The following EIF5 variants were observed in gnomAD, a reference collection of about 807,000 sequenced individuals.
EIF5 encodes the protein eukaryotic translation initiation factor 5.
A neutral mutation model predicts 48.3 loss-of-function variants in EIF5; 10 were observed. The observed-to-expected ratio is 0.21, with a 90% confidence interval of 0.13 to 0.35. EIF5 has a LOEUF of 0.35. Ranked by LOEUF, EIF5 falls within the 10% of genes least tolerant of loss-of-function variation. The probability of loss-of-function intolerance (pLI) is 1.00; values close to 1 mark genes in which losing one functional copy is unlikely to be tolerated. For synonymous variants in EIF5, 237 were observed against 173.1 expected, an observed-to-expected ratio of 1.37 and a Z score of -2.90; for missense variants, 397 against 533.2, an observed-to-expected ratio of 0.74 and a Z score of 2.51.
Position 103,341,114 on chromosome 14 carries a change from G to A in EIF5, c.*62G>A. 1 of 1,485,556 alleles carries A rather than the reference G, an allele frequency of 6.7e-7. No homozygotes were observed. Among genetic ancestry groups the A allele is most frequent in the Non-Finnish European group, 9.4e-7 (1 of 1,064,856 alleles). The allele number at this position is 1,485,556 out of a possible 1,614,324, so 92.0% of individuals were successfully genotyped here. A position where few individuals can be genotyped will look rare whatever the true frequency, so the allele number is the denominator to read the frequency against. Reference sequence around the variant, plus strand: ...GCAAATTTTCCTCCATTATCAGCCAGAAGTGCAACATGTATGTGCAAAAGC... The same window carrying A: ...GCAAATTTTCCTCCATTATCAGCCAAAAGTGCAACATGTATGTGCAAAAGC... On this transcript the variant is annotated 3_prime_UTR_variant, in exon 12 of 12. Transcript: ENST00000216554.
At chr14:103,339,560 G>C (rs1165198532) in intron 9 of EIF5, 79 bp from the exon 10 acceptor site, 2 of 1,596,390 alleles carry the variant, frequency 1.3e-6, no homozygotes, top group Non-Finnish European at 1.7e-6. Flanking sequence ...TGCACTTGCA[G>C]ACACTCTTAT....
chr14:103,337,697 A>C (rs2089304153), intron 6 of EIF5: 1 of 383,670 alleles, frequency 2.6e-6, no homozygotes, highest in African/African-American at 2.1e-5. Context: ...AAAGGTGAAA[A>C]ATAGGCTGCC....
In EIF5 at chr14:103,341,897, G is replaced by C; in HGVS notation, c.*845G>C. 1 of 152,570 alleles carries C rather than the reference G, an allele frequency of 6.6e-6. No homozygotes were observed. Among genetic ancestry groups the C allele is most frequent in the East Asian group, 1.9e-4 (1 of 5,204 alleles). 9.5% of individuals were successfully genotyped at this position (152,570 alleles called of 1,614,324 possible). On this transcript the variant is annotated 3_prime_UTR_variant, in exon 12 of 12. Coordinates refer to ENST00000216554, the MANE Select transcript of EIF5 (RefSeq NM_001969.5). ...ATTTTATTTGGGAGAAACAAGGAAG[G>C]GTGCACTTAACTAGCAACCTAAGCA...
chr14:103,335,707 A>T lies in EIF5; in HGVS notation c.-154A>T, dbSNP rs2089277225. The T allele has an allele frequency of 8.6e-6, 6 of 697,008 alleles. No individual in the cohort carries two copies. The Admixed American group carries it at 1.5e-4, about 18-fold the overall frequency. 43.2% of individuals were successfully genotyped at this position (697,008 alleles called of 1,614,324 possible). A position where few individuals can be genotyped will look rare whatever the true frequency, so the allele number is the denominator to read the frequency against. ...TGGGGAAACATAGCATACAAGCAAG[A>T]AGCTTACAGCCTCAGTGGCGAAAAT... On this transcript the variant is annotated 5_prime_UTR_variant, in exon 3 of 12. Transcript: ENST00000216554.
Position 103,339,231 on chromosome 14 carries a change from A to G in EIF5, c.804A>G (p.Glu268=), listed in dbSNP as rs773831500. The change falls in exon 9 of 12, where the codon GAA becomes GAG. Residue 268 remains glutamate (E), a synonymous_variant. Transcript: ENST00000216554. ...SSDKEIVAEA[E]RLDVKAMGPL... is the part of the protein sequence containing the mutation. ...ACAAAGAAATCGTTGCTGAAGCAGAAAGACTGGATGTAAAAGCCATGGGCC... is the reference window on the plus strand; with the variant it reads ...ACAAAGAAATCGTTGCTGAAGCAGAGAGACTGGATGTAAAAGCCATGGGCC... The G allele has an allele frequency of 1.2e-6, 2 of 1,612,672 alleles. No homozygotes were observed. The highest frequency in any genetic ancestry group is 4.5e-5 in the East Asian group (2 of 44,882).
chr14:103,337,463 A>G (rs1238064161), intron 6 of EIF5: 5 of 473,818 alleles, frequency 1.1e-5, no homozygotes, highest in East Asian at 3.8e-5. Context: ...CTAGCTTAGC[A>G]TGGTGGTGTG....
At chr14:103,336,604 T>C in intron 4 of EIF5, 73 bp from the exon 5 acceptor site, 1 of 1,455,698 alleles carries the variant, frequency 6.9e-7, no homozygotes, top group Non-Finnish European at 9.2e-7. Context: ...AAAGTGGTGT[T>C]CGTACAAATG....
rs2089374188 is a variant in EIF5 at position 103,343,214 on chromosome 14, T to A, written c.*2162T>A. On this transcript the variant is annotated 3_prime_UTR_variant, in exon 12 of 12. Coordinates refer to ENST00000216554, the MANE Select transcript of EIF5 (RefSeq NM_001969.5). ...TATTAAAGTTAACAAGTTTTCATTTTATAATGAGATCAAAGCATTGGAATC... is the reference window on the plus strand; with the variant it reads ...TATTAAAGTTAACAAGTTTTCATTTAATAATGAGATCAAAGCATTGGAATC... The A allele has an allele frequency of 2.6e-5, 4 of 152,530 alleles. No homozygotes were observed. The allele number at this position is 152,530 out of a possible 1,614,324, so 9.4% of individuals were successfully genotyped here.
Position 103,336,672 on chromosome 14 carries a change from A to G in EIF5, c.155-5A>G. On this transcript the variant is annotated splice_region_variant and splice_polypyrimidine_tract_variant and intron_variant, in intron 4 of 11. Transcript: ENST00000216554. ...ACGATCCAAACTCCTTTTTCATTCAAATAGATCCCACCAAATATTTTGGTT... is the reference window on the plus strand; with the variant it reads ...ACGATCCAAACTCCTTTTTCATTCAGATAGATCCCACCAAATATTTTGGTT... The G allele has an allele frequency of 1.2e-6, 2 of 1,603,254 alleles. No homozygotes were observed. Among genetic ancestry groups the G allele is most frequent in the Admixed American group, 1.8e-5 (1 of 57,098 alleles).
chr14:103,341,968 ATGT>A lies in EIF5; in HGVS notation c.*918_*920del, dbSNP rs2089357962. On this transcript the variant is annotated 3_prime_UTR_variant, in exon 12 of 12. Transcript: ENST00000216554. ...TTAGGGTTTAAATTACAATTCCAAA[ATGT>A]TAGACATACTGTATTTTTTCGTTCA... The A allele has an allele frequency of 6.6e-6, 1 of 152,478 alleles. No individual in the cohort carries two copies. Among genetic ancestry groups the A allele is most frequent in the African/African-American group, 2.4e-5 (1 of 41,440 alleles). 9.4% of individuals were successfully genotyped at this position (152,478 alleles called of 1,614,324 possible).
At position 103,343,630 on chromosome 14, in the gene EIF5, A is replaced by G. The variant is rs933043861; in HGVS notation, c.*2578A>G. On this transcript the variant is annotated 3_prime_UTR_variant, in exon 12 of 12. Transcript: ENST00000216554. The stretch of plus-strand genomic sequence containing the variant: ...GGAGGGGTATCAAAATTGAGCCCCA[A>G]GCTGTTTGTTCCAGTGTACCAAGCA... 1 of 152,210 alleles carries G rather than the reference A, an allele frequency of 6.6e-6. No homozygotes were observed. The highest frequency in any genetic ancestry group is 6.5e-5 in the Admixed American group (1 of 15,276). The allele number at this position is 152,210 out of a possible 1,614,324, so 9.4% of individuals were successfully genotyped here. A position where few individuals can be genotyped will look rare whatever the true frequency, so the allele number is the denominator to read the frequency against.
chr14:103,337,242 A>T lies in EIF5; in HGVS notation c.439+15A>T. 1 of 1,582,512 alleles carries T rather than the reference A, an allele frequency of 6.3e-7. No homozygotes were observed. The stretch of plus-strand genomic sequence containing the variant: ...AAACCCACCTGGTGAGTCTTCCATG[A>T]TGAACTCCTAAGATCCTAAGATAAG... On this transcript the variant is annotated intron_variant, in intron 6 of 11. Transcript: ENST00000216554.
At position 103,343,672 on chromosome 14, in the gene EIF5, G is replaced by T. The variant is rs1225732214; in HGVS notation, c.*2620G>T. 3.9e-5 allele frequency: 6 copies of T among 152,140 alleles called. No individual in the cohort carries two copies. Among genetic ancestry groups the T allele is most frequent in the Non-Finnish European group, 8.8e-5 (6 of 68,044 alleles). 9.4% of individuals were successfully genotyped at this position (152,140 alleles called of 1,614,324 possible). On this transcript the variant is annotated 3_prime_UTR_variant, in exon 12 of 12. Coordinates refer to ENST00000216554, the MANE Select transcript of EIF5 (RefSeq NM_001969.5). ...TACCAAGCACTGACTTTATGCCTTT[G>T]GCCTGGAGATGGCAGAAGTGAAAGC... is the stretch of plus-strand genomic sequence containing the variant.
chr14:103,337,112 G>A lies in EIF5; in HGVS notation c.328-4G>A. 1 of 1,603,556 alleles carries A rather than the reference G, an allele frequency of 6.2e-7. No homozygotes were observed. Among genetic ancestry groups the A allele is most frequent in the South Asian group, 1.1e-5 (1 of 88,898 alleles). On this transcript the variant is annotated splice_polypyrimidine_tract_variant and splice_region_variant and intron_variant, in intron 5 of 11. Coordinates refer to ENST00000216554, the MANE Select transcript of EIF5 (RefSeq NM_001969.5). ...ATGGATAACATTTGTTATTTTTTTG[G>A]CAGCATGTCAATCCAAAGAAGCAAA...
Position 103,344,768 on chromosome 14 carries a change from T to G in EIF5, c.*3716T>G, listed in dbSNP as rs957080210. ...CAATTAACTAAAAAGCAGGGACATC[T>G]GAAAGAGACGTATTAAGTTAACATT... is the stretch of plus-strand genomic sequence containing the variant. On this transcript the variant is annotated 3_prime_UTR_variant, in exon 12 of 12. Coordinates refer to ENST00000216554, the MANE Select transcript of EIF5 (RefSeq NM_001969.5). 4.6e-5 allele frequency: 7 copies of G among 152,192 alleles called. No homozygotes were observed. Among genetic ancestry groups the G allele is most frequent in the Non-Finnish European group, 8.8e-5 (6 of 68,024 alleles). The allele number at this position is 152,192 out of a possible 1,614,324, so 9.4% of individuals were successfully genotyped here. A position where few individuals can be genotyped will look rare whatever the true frequency, so the allele number is the denominator to read the frequency against.
At chr14:103,334,741 C>A (rs2089262340) in intron 2 of EIF5, 144 bp downstream of exon 2, 1 of 147,288 alleles carries the variant, frequency 6.8e-6, no homozygotes, top group African/African-American at 2.4e-5. Flanking sequence ...CCTCCCCGCG[C>A]GCTCCCCGGC....
At chr14:103,336,588 A>T (rs1014524248) in intron 4 of EIF5, 89 bp from the exon 5 acceptor site, 6 of 1,419,890 alleles carry the variant, frequency 4.2e-6, no homozygotes, top group Non-Finnish European at 5.6e-6. Flanking sequence ...TCTCAAAAAA[A>T]AAAAAAAAGT....
rs1418428693 is a variant in EIF5 at position 103,342,186 on chromosome 14, A to C, written c.*1134A>C. The C allele has an allele frequency of 1.3e-5, 2 of 152,550 alleles. No individual in the cohort carries two copies. Among genetic ancestry groups the C allele is most frequent in the African/African-American group, 4.8e-5 (2 of 41,404 alleles). 9.4% of individuals were successfully genotyped at this position (152,550 alleles called of 1,614,324 possible). Reference sequence around the variant, plus strand: ...TGTCTTATTTAAAAAGAAAGCTAAAAGCATACTTCTAAGTCAGAGCCTCTA... The same window carrying C: ...TGTCTTATTTAAAAAGAAAGCTAAACGCATACTTCTAAGTCAGAGCCTCTA... On this transcript the variant is annotated 3_prime_UTR_variant, in exon 12 of 12. Transcript: ENST00000216554.
In EIF5 at chr14:103,342,064, A is replaced by C. The variant is rs562131819; in HGVS notation, c.*1012A>C. 8.5e-5 allele frequency: 13 copies of C among 152,358 alleles called. No individual in the cohort carries two copies. Among genetic ancestry groups the C allele is most frequent in the Non-Finnish European group, 1.9e-4 (13 of 67,970 alleles). The allele number at this position is 152,358 out of a possible 1,614,324, so 9.4% of individuals were successfully genotyped here. On this transcript the variant is annotated 3_prime_UTR_variant, in exon 12 of 12. Coordinates refer to ENST00000216554, the MANE Select transcript of EIF5 (RefSeq NM_001969.5). ...CCTTTTACATTTGGACACATAGTTT[A>C]TGCTTTTTAGATTTTGGTTGCTTTC...
Sources: gnomAD v4.1 joint callset for allele counts on GRCh38, gnomAD v4.1.1 for gene constraint, MANE v1.5 for transcripts, NCBI Gene and HGNC (gene_info 2026-07-23, HGNC 2026-07-21) for gene names.